The following MDGA2 variants were observed in gnomAD, a reference collection of about 807,000 sequenced individuals.
The protein encoded by MDGA2 is MAM domain containing glycosylphosphatidylinositol anchor 2.
Under a neutral mutation model 117.8 loss-of-function variants are expected in MDGA2, and 40 were observed. The ratio of observed to expected loss-of-function variants is 0.34; its 90% CI spans 0.26 to 0.44. The LOEUF (loss-of-function observed/expected upper bound fraction) is 0.44. Among genes scored for constraint, MDGA2 ranks in the 20% least tolerant of loss-of-function variants. The pLI, the probability that MDGA2 is intolerant of heterozygous loss-of-function variation, is 1.00. For missense variants in MDGA2, 1,123 were observed against 1,250.6 expected (o/e 0.90, Z 1.54); for synonymous variants, 452 against 439.0 (o/e 1.03, Z -0.37).
intron 7 of MDGA2, among the ~76,000 whole-genome samples, chr14:47,047,159 G>C (rs966831504): frequency 1.3e-5 from 2 of 152,010 alleles, no homozygotes; most frequent in Admixed American, 6.6e-5. Flanking sequence ...AAGAAGTAAG[G>C]CTTCTTGTAG....
intron 3 of MDGA2, among the ~76,000 whole-genome samples, chr14:47,163,548 A>G (rs1396041734): frequency 6.6e-6 from 1 of 152,048 alleles, no homozygotes; most frequent in African/African-American, 2.4e-5. Context: ...AAGATATGAC[A>G]TGCTCCTCCT....
intron 8 of MDGA2, among the ~76,000 whole-genome samples, chr14:46,981,678 C>T (rs866484654): frequency 2.0e-5 from 3 of 152,132 alleles, no homozygotes; most frequent in Non-Finnish European, 4.4e-5. Context: ...GAGCGCATCA[C>T]TGTAAGATGA....
intron 1 of MDGA2, among the ~76,000 whole-genome samples, chr14:47,442,911 G>A (rs1007421091): frequency 2.0e-5 from 3 of 151,916 alleles, no homozygotes; most frequent in Non-Finnish European, 2.9e-5. Flanking sequence ...TTTGTTCGGC[G>A]TACCCATGTT....
intron 8 of MDGA2, among the ~76,000 whole-genome samples, chr14:46,959,413 T>A (rs1885703241): frequency 6.6e-6 from 1 of 151,952 alleles, no homozygotes; most frequent in Admixed American, 6.6e-5. Flanking sequence ...ATACTTTTAA[T>A]ATCTTTATAA....
chr14:47,466,767 T>C (rs763752802), intron 1 of MDGA2, among the ~76,000 whole-genome samples: 1 of 152,076 alleles, frequency 6.6e-6, no homozygotes, highest in African/African-American at 2.4e-5. Context: ...TACATACACA[T>C]ACACATGATA....
chr14:46,962,478 C>G (rs1294217089), intron 8 of MDGA2, among the ~76,000 whole-genome samples: 1 of 152,148 alleles, frequency 6.6e-6, no homozygotes, highest in Non-Finnish European at 1.5e-5. Flanking sequence ...ACCCCTTGCC[C>G]AAAGATGCCA....
intron 1 of MDGA2, chr14:47,343,119 G>A (rs1374392102): frequency 1.6e-6 from 2 of 1,230,148 alleles, no homozygotes; most frequent in East Asian, 6.2e-5. Context: ...AGATGCTCGA[G>A]GCACACAATA....
intron 1 of MDGA2, among the ~76,000 whole-genome samples, chr14:47,389,979 A>G (rs1221065625): frequency 6.6e-6 from 1 of 152,166 alleles, no homozygotes; most frequent in Admixed American, 6.5e-5. Flanking sequence ...ATATGCTCTT[A>G]CAAATAGAGG....
At chr14:46,965,806 TCA>T (rs574280170) in intron 8 of MDGA2, among the ~76,000 whole-genome samples, 46 of 152,280 alleles carry the variant, frequency 3.0e-4, no homozygotes, top group Non-Finnish European at 5.9e-4. Context: ...TGTGATAGAA[TCA>T]GTTTTTTATG....
chr14:47,181,902 T>C (rs1884722593), intron 3 of MDGA2, among the ~76,000 whole-genome samples: 1 of 152,188 alleles, frequency 6.6e-6, no homozygotes, highest in Non-Finnish European at 1.5e-5. Context: ...GTAAAGTATT[T>C]AGACTGATCT....
Position 47,626,882 on chromosome 14 carries a change from G to A in MDGA2, c.280+47635C>T, listed in dbSNP as rs552961359. ...GCGCCCAGAACCGCCCAAGGGCTGCGGAGTGCAGGCGCACGGCGCTGGACT... is the reference window on the plus strand; with the variant it reads ...GCGCCCAGAACCGCCCAAGGGCTGCAGAGTGCAGGCGCACGGCGCTGGACT... On this transcript the variant is annotated intron_variant, in intron 1 of 16. Coordinates refer to ENST00000399232, the MANE Select transcript of MDGA2 (RefSeq NM_001113498.3). 3.9e-5 allele frequency among the ~76,000 whole-genome samples: 6 copies of A among 152,376 alleles called. 1 individual carries two copies. Among genetic ancestry groups the A allele is most frequent in the African/African-American group, 9.6e-5 (4 of 41,598 alleles).
intron 1 of MDGA2, among the ~76,000 whole-genome samples, chr14:47,561,484 C>T (rs1362781996): frequency 2.6e-5 from 4 of 151,936 alleles, no homozygotes; most frequent in Non-Finnish European, 4.4e-5. Context: ...TATTCTTTTT[C>T]TAAGTTTTGT....
intron 1 of MDGA2, among the ~76,000 whole-genome samples, chr14:47,436,859 T>C (rs1227108830): frequency 1.3e-5 from 2 of 152,106 alleles, no homozygotes; most frequent in African/African-American, 4.8e-5. Context: ...AAGTTCTTGA[T>C]ACATGCTCAC....
At chr14:47,237,016 A>C (rs1886886274) in intron 2 of MDGA2, among the ~76,000 whole-genome samples, 1 of 152,188 alleles carries the variant, frequency 6.6e-6, no homozygotes, top group Non-Finnish European at 1.5e-5. Context: ...TGGAGTACTT[A>C]TAATATTCAG....
chr14:47,420,909 T>C (rs532689170), intron 1 of MDGA2, among the ~76,000 whole-genome samples: 72 of 152,168 alleles, frequency 4.7e-4, no homozygotes, highest in African/African-American at 1.7e-3. Context: ...TGGTGCACCC[T>C]TTCAGAGGAC....
At chr14:47,658,320 G>T (rs139801228) in intron 1 of MDGA2, among the ~76,000 whole-genome samples, 4 of 152,206 alleles carry the variant, frequency 2.6e-5, no homozygotes, top group African/African-American at 9.6e-5. Context: ...GTAGGAAACC[G>T]ATAAATCCAT....
At chr14:47,446,577 G>A (rs1037807800) in intron 1 of MDGA2, among the ~76,000 whole-genome samples, 5 of 152,030 alleles carry the variant, frequency 3.3e-5, no homozygotes, top group South Asian at 2.1e-4. Context: ...GAGTGTTGTC[G>A]GTGTATAAGG....
At chr14:47,221,810 TTTTTA>T (rs1270676059) in intron 2 of MDGA2, among the ~76,000 whole-genome samples, 1 of 151,658 alleles carries the variant, frequency 6.6e-6, no homozygotes, top group Non-Finnish European at 1.5e-5. Context: ...ATACATTTAA[TTTTTA>T]TTTTATTTTT....
chr14:47,092,914 C>A (rs1276426864), intron 6 of MDGA2, among the ~76,000 whole-genome samples: 2 of 152,068 alleles, frequency 1.3e-5, no homozygotes, highest in Admixed American at 1.3e-4. Flanking sequence ...ACGCCCATCA[C>A]TGGACACCTC....
Sources: allele counts gnomAD v4.1 joint callset (sites outside exome capture counted in the v4.1 genomes callset), GRCh38; gene constraint gnomAD v4.1.1; transcripts MANE v1.5; gene names NCBI Gene and HGNC (gene_info 2026-07-23, HGNC 2026-07-21).